CNTNAP2: variants seen among roughly 807,000 people sequenced by gnomAD.
CNTNAP2 encodes the protein contactin associated protein 2, also known as contactin-associated protein-like 2.
In CNTNAP2, 98 loss-of-function variants were observed where a neutral mutation model predicts 155.2. The observed-to-expected ratio is 0.63, with a 90% CI of 0.54 to 0.75. The LOEUF (loss-of-function observed/expected upper bound fraction) is 0.75, where lower values mean the gene tolerates loss of function less well. Ranked by LOEUF, CNTNAP2 falls within the 30% of genes least tolerant of loss-of-function variation. The probability of loss-of-function intolerance (pLI) is 0.00; values close to 1 mark genes in which losing one functional copy is unlikely to be tolerated. For synonymous variants in CNTNAP2, 651 were observed against 631.2 expected, an observed-to-expected ratio of 1.03 and a Z score of -0.47; for missense variants, 1,727 against 1,688.1, an observed-to-expected ratio of 1.02 and a Z score of -0.40.
At chr7:147,548,088 T>G (rs58522660) in intron 11 of CNTNAP2, among the ~76,000 whole-genome samples, 26,274 of 152,106 alleles carry the variant, frequency 0.17, 2,469 homozygotes, top group East Asian at 0.37. Flanking sequence ...GTCTTTATAA[T>G]AGAATGATTT....
At chr7:146,301,029 C>T (rs1401619231) in intron 1 of CNTNAP2, among the ~76,000 whole-genome samples, 2 of 152,168 alleles carry the variant, frequency 1.3e-5, no homozygotes, top group African/African-American at 4.8e-5. Flanking sequence ...CTATTTAAGG[C>T]AACAAATACA....
chr7:147,086,875 A>G (rs1349142188), intron 4 of CNTNAP2, among the ~76,000 whole-genome samples: 1 of 152,210 alleles, frequency 6.6e-6, no homozygotes, highest in Non-Finnish European at 1.5e-5. Context: ...AACAAGATGA[A>G]ACTTCAGAAA....
chr7:147,852,380 A>T (rs1798962540), intron 13 of CNTNAP2, among the ~76,000 whole-genome samples: 1 of 152,166 alleles, frequency 6.6e-6, no homozygotes, highest in African/African-American at 2.4e-5. Flanking sequence ...TGTTCTGAAA[A>T]GTTCTGATTC....
chr7:147,523,680 G>A (rs572049486), intron 11 of CNTNAP2, among the ~76,000 whole-genome samples: 24 of 152,160 alleles, frequency 1.6e-4, no homozygotes, highest in Non-Finnish European at 2.6e-4. Flanking sequence ...GAACTGCACA[G>A]GTGCCTTGTG....
chr7:147,360,829 A>C (rs753716829), intron 9 of CNTNAP2, among the ~76,000 whole-genome samples: 2 of 152,124 alleles, frequency 1.3e-5, no homozygotes, highest in Non-Finnish European at 2.9e-5. Context: ...CAGCAGAGAG[A>C]AGATTAAGGC....
intron 1 of CNTNAP2, among the ~76,000 whole-genome samples, chr7:146,352,012 AAAG>A (rs1346339114): frequency 6.6e-6 from 1 of 152,222 alleles, no homozygotes; most frequent in Non-Finnish European, 1.5e-5. Context: ...CATACAGAGG[AAAG>A]AAGACTTCAA....
intron 15 of CNTNAP2, among the ~76,000 whole-genome samples, chr7:148,081,663 A>C (rs1277722942): frequency 2.0e-5 from 3 of 152,132 alleles, no homozygotes; most frequent in African/African-American, 7.2e-5. Context: ...CTATTTTATT[A>C]GTTCTGTCCC....
intron 12 of CNTNAP2, among the ~76,000 whole-genome samples, chr7:147,615,392 G>A (rs1801267908): frequency 2.7e-5 from 4 of 150,218 alleles, no homozygotes; most frequent in African/African-American, 9.8e-5. Flanking sequence ...GAGGCAGGAG[G>A]AGTTCAAAAC....
chr7:147,967,176 G>A (rs1275218444), intron 14 of CNTNAP2, among the ~76,000 whole-genome samples: 2 of 152,098 alleles, frequency 1.3e-5, no homozygotes, highest in African/African-American at 4.8e-5. Context: ...CTCCTGTTTA[G>A]GGAAAATATG....
chr7:148,164,026 C>T (rs1318206233), intron 17 of CNTNAP2, among the ~76,000 whole-genome samples: 2 of 152,178 alleles, frequency 1.3e-5, no homozygotes, highest in African/African-American at 2.4e-5. Context: ...CCTCTGCCTC[C>T]CAGGTTCAAG....
intron 1 of CNTNAP2, among the ~76,000 whole-genome samples, chr7:146,607,136 G>A (rs558503846): frequency 2.6e-5 from 4 of 152,038 alleles, no homozygotes; most frequent in Non-Finnish European, 5.9e-5. Flanking sequence ...GTACTGATGG[G>A]TCAGTCAGTA....
At position 146,163,487 on chromosome 7, in the gene CNTNAP2, C is replaced by G. The variant is rs542810226; in HGVS notation, c.97+46514C>G. On this transcript the variant is annotated intron_variant, in intron 1 of 23. Transcript: ENST00000361727. ...ATTATATATATCTATATATATCTAT[C>G]TATATCTATATCTATATATCTATAT... Among the ~76,000 whole-genome samples the G allele has an allele frequency of 7.4e-5, 10 of 134,728 alleles. No individual in the cohort carries two copies. The East Asian group carries it at 8.8e-4, about 12-fold the overall frequency. 88.4% of individuals were successfully genotyped at this position (134,728 alleles called of 152,430 possible).
chr7:148,283,317 A>C (rs1797021053), intron 21 of CNTNAP2, among the ~76,000 whole-genome samples: 1 of 100,690 alleles, frequency 9.9e-6, no homozygotes, highest in Non-Finnish European at 2.2e-5. Flanking sequence ...GGAAGGAAGG[A>C]AGGAAAGAAA....
rs1270262379 is a variant in CNTNAP2 at position 147,775,385 on chromosome 7, ATT to A, written c.2099-128178_2099-128177del. ...TATAAATATATATATATTTATATAT[ATT>A]TATAAATATATATATTTATATATAT... On this transcript the variant is annotated intron_variant, in intron 13 of 23. Coordinates refer to ENST00000361727, the MANE Select transcript of CNTNAP2 (RefSeq NM_014141.6). Among the ~76,000 whole-genome samples the A allele has an allele frequency of 1.4e-3, 132 of 97,094 alleles. 4 individuals carry two copies. The highest frequency in any genetic ancestry group is 5.8e-3 in the African/African-American group (127 of 22,032). The allele number at this position is 97,094 out of a possible 152,430, so 63.7% of individuals were successfully genotyped here.
chr7:147,750,384 G>C (rs1262204630), intron 13 of CNTNAP2, among the ~76,000 whole-genome samples: 1 of 151,940 alleles, frequency 6.6e-6, no homozygotes, highest in East Asian at 1.9e-4. Context: ...AATATGAATT[G>C]GATTATTTCT....
chr7:147,863,638 G>T (rs1020610646), intron 13 of CNTNAP2, among the ~76,000 whole-genome samples: 2 of 152,108 alleles, frequency 1.3e-5, no homozygotes, highest in Non-Finnish European at 2.9e-5. Flanking sequence ...GGTGTGAGAT[G>T]GTATCTCATT....
chr7:147,459,490 G>C (rs1178009182), intron 10 of CNTNAP2, among the ~76,000 whole-genome samples: 3 of 152,166 alleles, frequency 2.0e-5, no homozygotes, highest in South Asian at 2.1e-4. Flanking sequence ...TTGAGGTTTA[G>C]AGATTATCTT....
At chr7:146,147,587 C>T (rs1408667119) in intron 1 of CNTNAP2, among the ~76,000 whole-genome samples, 1 of 152,058 alleles carries the variant, frequency 6.6e-6, no homozygotes, top group Non-Finnish European at 1.5e-5. Context: ...AATTAGTGAC[C>T]TAGGAACTGC....
chr7:147,624,786 C>G (rs562213360), intron 12 of CNTNAP2, among the ~76,000 whole-genome samples: 1 of 152,044 alleles, frequency 6.6e-6, no homozygotes, highest in Non-Finnish European at 1.5e-5. Flanking sequence ...AATCAGTATA[C>G]GGAAGAAATA....
Sources: gnomAD v4.1 joint callset for allele counts (sites outside exome capture counted in the v4.1 genomes callset) on GRCh38, gnomAD v4.1.1 for gene constraint, MANE v1.5 for transcripts, NCBI Gene and HGNC (gene_info 2026-07-23, HGNC 2026-07-21) for gene names.